The following ASTN2 variants were observed in gnomAD, a reference collection of about 807,000 sequenced individuals.
ASTN2 encodes astrotactin 2, also known as astrotactin-2.
ASTN2 carries 54 observed loss-of-function variants against 139.8 expected under a neutral mutation model. The observed-to-expected ratio is 0.39, with a 90% CI of 0.31 to 0.48. The LOEUF is 0.48. Ranked by LOEUF, ASTN2 falls within the 20% of genes least tolerant of loss-of-function variation. The probability of loss-of-function intolerance (pLI) is 0.95; values close to 1 mark genes in which losing one functional copy is unlikely to be tolerated. For synonymous variants in ASTN2, 756 were observed against 719.5 expected (o/e 1.05, Z -0.81); for missense variants, 1,565 against 1,725.1 (o/e 0.91, Z 1.64).
chr9:116,761,449 T>G (rs1433864112), intron 13 of ASTN2, among the ~76,000 whole-genome samples: 1 of 152,114 alleles, frequency 6.6e-6, no homozygotes, highest in Non-Finnish European at 1.5e-5. Flanking sequence ...CACTCAGCCT[T>G]TCACGGAAAG....
At chr9:117,159,413 C>G (rs1017243913) in intron 3 of ASTN2, among the ~76,000 whole-genome samples, 1 of 151,962 alleles carries the variant, frequency 6.6e-6, no homozygotes, top group Non-Finnish European at 1.5e-5. Context: ...CTGAGGAAGG[C>G]GGATGAAGGT....
intron 1 of ASTN2, 91 bp from the exon 2 acceptor site, chr9:117,291,604 A>C: frequency 1.6e-6 from 2 of 1,237,710 alleles, no homozygotes; most frequent in Non-Finnish European, 2.2e-6. Flanking sequence ...AGGAGCTCAG[A>C]AGGCATCCAT....
intron 19 of ASTN2, among the ~76,000 whole-genome samples, chr9:116,553,780 C>T (rs561479296): frequency 2.0e-5 from 3 of 152,180 alleles, no homozygotes; most frequent in African/African-American, 4.8e-5. Context: ...TTTTCCCTCT[C>T]TTAGACAGTC....
At chr9:116,787,248 G>C (rs1360721208) in intron 13 of ASTN2, among the ~76,000 whole-genome samples, 1 of 152,294 alleles carries the variant, frequency 6.6e-6, no homozygotes, top group East Asian at 1.9e-4. Context: ...TAAACACCAG[G>C]CAGGCTTCTC....
intron 11 of ASTN2, among the ~76,000 whole-genome samples, chr9:116,838,856 T>C (rs761387966): frequency 9.9e-5 from 15 of 152,200 alleles, no homozygotes; most frequent in Non-Finnish European, 2.1e-4. Context: ...GCTCAGTTTT[T>C]ATCAAAGCAA....
At chr9:116,839,740 G>A (rs1291389901) in intron 11 of ASTN2, among the ~76,000 whole-genome samples, 20 of 151,536 alleles carry the variant, frequency 1.3e-4, no homozygotes, top group Admixed American at 1.3e-3. Context: ...GCGTGATCTC[G>A]GCATACTGCA....
intron 3 of ASTN2, among the ~76,000 whole-genome samples, chr9:117,209,593 G>T (rs922129365): frequency 2.0e-5 from 3 of 152,050 alleles, no homozygotes; most frequent in Non-Finnish European, 4.4e-5. Context: ...ACAGACTCCA[G>T]TAAAATAATA....
chr9:117,047,118 G>A (rs964814737), intron 5 of ASTN2, among the ~76,000 whole-genome samples: 2 of 152,152 alleles, frequency 1.3e-5, no homozygotes, highest in Non-Finnish European at 2.9e-5. Context: ...CTGCTTCTCT[G>A]CCATATTTCT....
chr9:116,642,155 A>AAAC (rs1554724609), intron 17 of ASTN2, among the ~76,000 whole-genome samples: 7 of 149,790 alleles, frequency 4.7e-5, no homozygotes, highest in African/African-American at 1.5e-4. Flanking sequence ...ACAAAAAAAA[A>AAAC]CAGAATCAGT....
chr9:117,083,821 C>T (rs889717489), intron 5 of ASTN2, among the ~76,000 whole-genome samples: 6 of 152,084 alleles, frequency 3.9e-5, no homozygotes, highest in Non-Finnish European at 2.9e-5. Flanking sequence ...TCCCTCCCTT[C>T]GATGGCGGGC....
chr9:116,612,010 A>C (rs1228513317), intron 19 of ASTN2: 1 of 152,198 alleles, frequency 6.6e-6, no homozygotes, highest in Non-Finnish European at 1.5e-5. Flanking sequence ...GTTGTTTTAT[A>C]ATATGAAAAT....
Position 116,975,359 on chromosome 9 carries a change from G to A in ASTN2, c.1752-14C>T, listed in dbSNP as rs1331087441. 3.8e-6 allele frequency: 6 copies of A among 1,590,292 alleles called. No individual in the cohort carries two copies. Among genetic ancestry groups the A allele is most frequent in the Non-Finnish European group, 5.1e-6 (6 of 1,169,130 alleles). ...CTGAAAGTAGACCTGCAATGTAAGA[G>A]TTTCCATTGGGGAACTCCCTGGGAA... On this transcript the variant is annotated splice_polypyrimidine_tract_variant and intron_variant, in intron 9 of 22. Coordinates refer to ENST00000313400, the MANE Select transcript of ASTN2 (RefSeq NM_001365068.1).
intron 10 of ASTN2, among the ~76,000 whole-genome samples, chr9:116,906,494 G>A (rs183926225): frequency 3.1e-4 from 47 of 152,230 alleles, no homozygotes; most frequent in Admixed American, 6.5e-4. Context: ...ATGGACAGAA[G>A]ACCCTTCTCT....
intron 17 of ASTN2, among the ~76,000 whole-genome samples, chr9:116,624,883 C>A (rs1257879386): frequency 6.6e-6 from 1 of 151,996 alleles, no homozygotes; most frequent in Non-Finnish European, 1.5e-5. Context: ...AATCTATTAT[C>A]TTTTTACCCA....
At chr9:116,592,470 C>A (rs1224375814) in intron 19 of ASTN2, among the ~76,000 whole-genome samples, 2 of 152,128 alleles carry the variant, frequency 1.3e-5, no homozygotes, top group Middle Eastern at 3.2e-3. Flanking sequence ...CCCAAAGATC[C>A]AATCACCTTC....
intron 6 of ASTN2, among the ~76,000 whole-genome samples, chr9:117,016,773 G>A (rs1193490495): frequency 3.0e-5 from 2 of 67,114 alleles, no homozygotes; most frequent in South Asian, 5.2e-4. Flanking sequence ...TTATATATAG[G>A]TTTTATATAT....
At chr9:116,881,618 T>G (rs998977005) in intron 10 of ASTN2, among the ~76,000 whole-genome samples, 1 of 152,254 alleles carries the variant, frequency 6.6e-6, no homozygotes, top group African/African-American at 2.4e-5. Flanking sequence ...AAATTCCCTT[T>G]TACTGCACTT....
At chr9:117,337,729 C>T (rs1828930312) in intron 1 of ASTN2, among the ~76,000 whole-genome samples, 1 of 152,086 alleles carries the variant, frequency 6.6e-6, no homozygotes, top group Admixed American at 6.5e-5. Flanking sequence ...CTTTAAATAA[C>T]CAACTAGTAG....
rs572146655 is a variant in ASTN2, at chr9:116,574,429, C to T, written c.3355+43895G>A. ...CCCCAGACCTGCTCATAACTGTTCCCTTTCTGTCTCCCACTCCACCCAACC... is the reference window on the plus strand; with the variant it reads ...CCCCAGACCTGCTCATAACTGTTCCTTTTCTGTCTCCCACTCCACCCAACC... On this transcript the variant is annotated intron_variant, in intron 19 of 22. Coordinates refer to ENST00000313400, the MANE Select transcript of ASTN2 (RefSeq NM_001365068.1). Among the ~76,000 whole-genome samples the T allele has an allele frequency of 7.0e-4, 106 of 152,290 alleles. 3 individuals carry two copies. The South Asian group carries it at 0.021, about 31-fold the overall frequency.
Sources: allele counts gnomAD v4.1 joint callset (sites outside exome capture counted in the v4.1 genomes callset), GRCh38; gene constraint gnomAD v4.1.1; transcripts MANE v1.5; gene names NCBI Gene and HGNC (gene_info 2026-07-23, HGNC 2026-07-21).